The following HS6ST3 variants were observed in gnomAD, a reference collection of about 807,000 sequenced individuals.
HS6ST3 encodes heparan-sulfate 6-O-sulfotransferase 3.
A neutral mutation model predicts 36.7 loss-of-function variants in HS6ST3; 12 were observed. The ratio of observed to expected loss-of-function variants is 0.33; its 90% confidence interval spans 0.21 to 0.53. The LOEUF (loss-of-function observed/expected upper bound fraction) is 0.53. HS6ST3 is among the 20% of genes least tolerant of loss of function. The pLI is 0.95. For synonymous variants in HS6ST3, 240 were observed against 257.5 expected (o/e 0.93, Z 0.65); for missense variants, 584 against 640.9 (o/e 0.91, Z 0.96).
At chr13:96,234,139 G>C (rs912907609) in intron 1 of HS6ST3, among the ~76,000 whole-genome samples, 1 of 151,862 alleles carries the variant, frequency 6.6e-6, no homozygotes, top group African/African-American at 2.4e-5. Flanking sequence ...GCCAGGCATG[G>C]TGGCTCACGC....
intron 1 of HS6ST3, among the ~76,000 whole-genome samples, chr13:96,712,476 G>A (rs1875584352): frequency 6.6e-6 from 1 of 152,178 alleles, no homozygotes; most frequent in South Asian, 2.1e-4. Context: ...GCTCACTGAA[G>A]CAAAAGCATA....
chr13:96,663,674 T>C lies in HS6ST3; in HGVS notation c.708-168816T>C, dbSNP rs570223149. On this transcript the variant is annotated intron_variant, in intron 1 of 1. Coordinates refer to ENST00000376705, the MANE Select transcript of HS6ST3 (RefSeq NM_153456.4). The stretch of plus-strand genomic sequence containing the variant: ...GAATTAACACAAGAGAATAGAAATA[T>C]ATGTTTGCACAAAGAATTGCATGTG... Among the ~76,000 whole-genome samples, 40 of 152,294 alleles carry C rather than the reference T, an allele frequency of 2.6e-4. 1 individual carries two copies. Among genetic ancestry groups the C allele is most frequent in the Admixed American group, 2.2e-3 (34 of 15,298 alleles).
At chr13:96,327,080 C>T (rs1235900765) in intron 1 of HS6ST3, among the ~76,000 whole-genome samples, 1 of 142,250 alleles carries the variant, frequency 7.0e-6, no homozygotes, top group Non-Finnish European at 1.5e-5. Flanking sequence ...TGGATATTAG[C>T]CCTTTGTCAG....
chr13:96,417,327 A>C (rs375342240), intron 1 of HS6ST3, among the ~76,000 whole-genome samples: 41 of 151,922 alleles, frequency 2.7e-4, no homozygotes, highest in Non-Finnish European at 4.3e-4. Context: ...CTAATGCAAC[A>C]CTCTTCTTCC....
At position 96,832,608 on chromosome 13, in the gene HS6ST3, C is replaced by T; in HGVS notation, c.826C>T (p.Pro276Ser). ...TSLHMCDGRS[P>S]TPDELPTCYP... ...TCTTCATATGTGTGATGGAAGAAGC[C>T]CCACCCCAGATGAGCTGCCTACCTG... is the stretch of plus-strand genomic sequence containing the variant. The change falls in exon 2 of 2, where the codon CCC becomes TCC. Residue 276 changes from proline (P) to serine (S), a missense_variant. Physicochemically the swap from Pro to Ser is moderately conservative, Grantham distance 74. Transcript: ENST00000376705. 6.2e-7 allele frequency: 1 copy of T among 1,614,070 alleles called. No individual in the cohort carries two copies. The highest frequency in any genetic ancestry group is 8.5e-7 in the Non-Finnish European group (1 of 1,179,986).
chr13:96,523,884 C>A (rs2056103615), intron 1 of HS6ST3, among the ~76,000 whole-genome samples: 1 of 152,172 alleles, frequency 6.6e-6, no homozygotes, highest in Admixed American at 6.5e-5. Flanking sequence ...CATTCTCCAT[C>A]CAGTTTTGTT....
intron 1 of HS6ST3, among the ~76,000 whole-genome samples, chr13:96,571,373 A>T (rs1215574174): frequency 2.0e-5 from 3 of 152,234 alleles, no homozygotes; most frequent in Admixed American, 1.3e-4. Flanking sequence ...CAAACTGAGC[A>T]CTATTTAAGA....
At chr13:96,284,748 CTGCTTGCTTGCTTGCT>C (rs72180855) in intron 1 of HS6ST3, among the ~76,000 whole-genome samples, 3 of 150,424 alleles carry the variant, frequency 2.0e-5, no homozygotes, top group East Asian at 3.9e-4. Flanking sequence ...GGATACTGGT[CTGCTTGCTTGCTTGCT>C]TGCTTGCTTG....
At chr13:96,397,442 T>C (rs1173645786) in intron 1 of HS6ST3, among the ~76,000 whole-genome samples, 1 of 152,166 alleles carries the variant, frequency 6.6e-6, no homozygotes, top group Non-Finnish European at 1.5e-5. Context: ...TTCACAAAGG[T>C]TAACTCAAAC....
intron 1 of HS6ST3, among the ~76,000 whole-genome samples, chr13:96,784,636 C>T (rs1877600440): frequency 6.6e-6 from 1 of 152,088 alleles, no homozygotes; most frequent in Non-Finnish European, 1.5e-5. Flanking sequence ...CATTTTATGG[C>T]TCTTATATAT....
At chr13:96,653,838 G>T (rs149801385) in intron 1 of HS6ST3, among the ~76,000 whole-genome samples, 1 of 152,096 alleles carries the variant, frequency 6.6e-6, no homozygotes, top group African/African-American at 2.4e-5. Context: ...GTGTAAAAGC[G>T]TTCTTATTTC....
intron 1 of HS6ST3, among the ~76,000 whole-genome samples, chr13:96,691,943 C>T (rs1465240030): frequency 2.6e-5 from 4 of 152,050 alleles, no homozygotes; most frequent in African/African-American, 2.4e-5. Context: ...ACAACTTACA[C>T]GTGAGAGAAA....
chr13:96,819,155 G>A (rs1344723308), intron 1 of HS6ST3, among the ~76,000 whole-genome samples: 1 of 152,146 alleles, frequency 6.6e-6, no homozygotes, highest in African/African-American at 2.4e-5. Flanking sequence ...TAGTTGATAA[G>A]GGAAAGTTTC....
chr13:96,601,701 G>GA (rs2056422229), intron 1 of HS6ST3, among the ~76,000 whole-genome samples: 2 of 151,970 alleles, frequency 1.3e-5, no homozygotes, highest in Non-Finnish European at 2.9e-5. Context: ...CATATTACGA[G>GA]AATTATTTTT....
intron 1 of HS6ST3, among the ~76,000 whole-genome samples, chr13:96,638,776 G>T (rs1312991704): frequency 6.6e-6 from 1 of 151,406 alleles, no homozygotes; most frequent in Non-Finnish European, 1.5e-5. Flanking sequence ...CCCAGTCTTG[G>T]GTATGTCCTT....
At chr13:96,400,830 T>C (rs936060044) in intron 1 of HS6ST3, among the ~76,000 whole-genome samples, 6 of 152,186 alleles carry the variant, frequency 3.9e-5, no homozygotes, top group African/African-American at 1.2e-4. Context: ...CCTTCAGTTA[T>C]ACTCCATCAA....
chr13:96,184,469 A>G lies in HS6ST3; in HGVS notation c.707+92900A>G, dbSNP rs531825174. Among the ~76,000 whole-genome samples, 8 of 152,092 alleles carry G rather than the reference A, an allele frequency of 5.3e-5. No homozygotes were observed. The East Asian group carries it at 1.6e-3, about 30-fold the overall frequency. ...TCCAATCCATCCCTGCGTCTTGGTG[A>G]CTTTACCCCCAGAATGTATCTCTAC... On this transcript the variant is annotated intron_variant, in intron 1 of 1. Transcript: ENST00000376705.
chr13:96,199,409 C>T (rs774772321), intron 1 of HS6ST3, among the ~76,000 whole-genome samples: 8 of 152,140 alleles, frequency 5.3e-5, no homozygotes, highest in African/African-American at 9.7e-5. Flanking sequence ...CCACAGAGTA[C>T]GTCTTGATAG....
chr13:96,433,733 G>A (rs1409346243), intron 1 of HS6ST3, among the ~76,000 whole-genome samples: 5 of 152,088 alleles, frequency 3.3e-5, no homozygotes, highest in African/African-American at 1.2e-4. Flanking sequence ...TCCGGAATTC[G>A]AGACTGGCCT....
Sources: gnomAD v4.1 joint callset for allele counts (sites outside exome capture counted in the v4.1 genomes callset) on GRCh38, gnomAD v4.1.1 for gene constraint, MANE v1.5 for transcripts, NCBI Gene and HGNC (gene_info 2026-07-23, HGNC 2026-07-21) for gene names.